GET4: variants seen among roughly 807,000 people sequenced by gnomAD.
GET4 encodes the protein guided entry of tail-anchored proteins factor 4.
GET4 carries 20 observed loss-of-function variants against 40.0 expected under a neutral mutation model. The ratio of observed to expected loss-of-function variants is 0.50; its 90% CI spans 0.35 to 0.73. The LOEUF (loss-of-function observed/expected upper bound fraction) is 0.73. GET4 is among the 30% of genes least tolerant of loss of function. GET4 has a pLI of 0.01. For missense variants in GET4, 557 were observed against 454.0 expected (o/e 1.23, Z -2.06); for synonymous variants, 280 against 194.6 (o/e 1.44, Z -3.65).
intron 1 of GET4, 118 bp from the exon 2 acceptor site, chr7:885,938 C>A: frequency 1.4e-6 from 1 of 719,022 alleles, no homozygotes; most frequent in Non-Finnish European, 2.5e-6. Context: ...GGAGCGGCTG[C>A]TTTTAGGATG....
intron 1 of GET4, chr7:880,628 T>TG (rs1844065553): frequency 6.6e-6 from 1 of 152,230 alleles, no homozygotes; most frequent in South Asian, 2.1e-4. Flanking sequence ...GCCTGGGCTT[T>TG]GGGGTCACAC....
chr7:887,653 A>G (rs1844218612), intron 4 of GET4, 134 bp downstream of exon 4: 4 of 605,366 alleles, frequency 6.6e-6, no homozygotes, highest in African/African-American at 1.9e-5. Flanking sequence ...GGGCCGGTCC[A>G]TGGAGACCCA....
In GET4 at chr7:893,771, G is replaced by A. The variant is rs1296947085; in HGVS notation, c.778G>A (p.Glu260Lys). 2 of 1,611,116 alleles carry A rather than the reference G, an allele frequency of 1.2e-6. No individual in the cohort carries two copies. The highest frequency in any genetic ancestry group is 2.2e-5 in the South Asian group (2 of 90,782). The change falls in exon 7 of 9, where the codon GAG (glutamate) becomes AAG (lysine). Residue 260 changes from glutamate (E) to lysine (K), a missense_variant. Physicochemically the swap from Glu to Lys is moderately conservative, Grantham distance 56. Transcript: ENST00000265857. ...GKLTVFTVLC[E>K]QYQPSLRRDP... is the part of the protein sequence containing the mutation. ...GCTGACGGTGTTCACTGTGCTGTGTGAGCAGTACCAGCCATCCCTCCGGCG... is the reference window on the plus strand; with the variant it reads ...GCTGACGGTGTTCACTGTGCTGTGTAAGCAGTACCAGCCATCCCTCCGGCG...
In GET4 at chr7:895,501, CGCCTTGGGGGCTCCTG is replaced by C; in HGVS notation, c.*83_*98del. 2.8e-6 allele frequency: 2 copies of C among 707,806 alleles called. No individual in the cohort carries two copies. Among genetic ancestry groups the C allele is most frequent in the Non-Finnish European group, 4.9e-6 (2 of 408,942 alleles). The allele number at this position is 707,806 out of a possible 1,614,324, so 43.8% of individuals were successfully genotyped here. A position where few individuals can be genotyped will look rare whatever the true frequency, so the allele number is the denominator to read the frequency against. On this transcript the variant is annotated 3_prime_UTR_variant, in exon 9 of 9. Coordinates refer to ENST00000265857, the MANE Select transcript of GET4 (RefSeq NM_015949.3). ...CAGAGGCGAGTCCTGGGTGGCTCCT[CGCCTTGGGGGCTCCTG>C]GCCCTGAGGCTGGCGGTGGCCGCAT...
At chr7:879,537 GC>G (rs1418264238) in intron 1 of GET4, among the ~76,000 whole-genome samples, 1 of 152,170 alleles carries the variant, frequency 6.6e-6, no homozygotes, top group Admixed American at 6.5e-5. Flanking sequence ...GTGCATGTGG[GC>G]CCCTGATCGT....
At chr7:877,139 C>T (rs1189799932) in intron 1 of GET4, among the ~76,000 whole-genome samples, 1 of 151,754 alleles carries the variant, frequency 6.6e-6, no homozygotes, top group Non-Finnish European at 1.5e-5. Context: ...CCTCGGCCGC[C>T]TCCCGCCTCG....
At position 876,711 on chromosome 7, in the gene GET4, C is replaced by T. The variant is rs376978899; in HGVS notation, c.66C>T (p.Gly22=). Reference sequence around the variant, plus strand: ...GGAACGGCGGCCGCAACCGCGGCGGCGTCCAGCGTGTGGAGGGCAAGCTGC... The same window carrying T: ...GGAACGGCGGCCGCAACCGCGGCGGTGTCCAGCGTGTGGAGGGCAAGCTGC... ...SARNGGRNRG[G]VQRVEGKLRA... Residue 22 remains glycine (G), a synonymous_variant, in exon 1 of 9, where the codon GGC becomes GGT. Transcript: ENST00000265857. 2.1e-4 allele frequency: 288 copies of T among 1,366,350 alleles called. 1 individual carries two copies. The African/African-American group carries it at 4.2e-3, about 20-fold the overall frequency. 84.6% of individuals were successfully genotyped at this position (1,366,350 alleles called of 1,614,324 possible).
intron 1 of GET4, chr7:878,249 C>T (rs1844008848): frequency 4.2e-6 from 2 of 470,772 alleles, no homozygotes; most frequent in Non-Finnish European, 8.8e-6. Context: ...TGCTGCGTGG[C>T]TTGGTTGATT....
chr7:892,464 G>T, intron 6 of GET4, 46 bp downstream of exon 6: 1 of 1,573,178 alleles, frequency 6.4e-7, no homozygotes, highest in Non-Finnish European at 8.7e-7. Context: ...GAATGTGCGG[G>T]TTGTGTGTAG....
At chr7:885,734 C>A in intron 1 of GET4, 1 of 305,906 alleles carries the variant, frequency 3.3e-6, no homozygotes, top group Non-Finnish European at 6.2e-6. Flanking sequence ...TCCTTCCCTG[C>A]GCACCTGCCC....
intron 1 of GET4, chr7:885,443 C>G (rs1227896814): frequency 2.6e-5 from 4 of 153,112 alleles, no homozygotes; most frequent in African/African-American, 7.2e-5. Flanking sequence ...TGTCCCCGTG[C>G]GGCCTGAGGA....
intron 3 of GET4, chr7:886,966 C>T (rs924875185): frequency 1.9e-5 from 10 of 515,456 alleles, no homozygotes; most frequent in African/African-American, 9.6e-5. Flanking sequence ...TTTGGCTTGT[C>T]GGCCTGTCCT....
intron 4 of GET4, among the ~76,000 whole-genome samples, chr7:889,643 G>A (rs1218387793): frequency 3.4e-5 from 5 of 148,438 alleles, no homozygotes; most frequent in Non-Finnish European, 6.1e-5. Flanking sequence ...GGGCCTGGGA[G>A]TGGAGGGAGT....
intron 6 of GET4, 25 bp downstream of exon 6, chr7:892,443 G>A (rs1189948066): frequency 6.3e-7 from 1 of 1,581,792 alleles, no homozygotes; most frequent in Non-Finnish European, 8.7e-7. Flanking sequence ...CCTGCAGGGG[G>A]AGGGGGCTGT....
Position 886,557 on chromosome 7 carries a change from T to C in GET4, c.235-12T>C, listed in dbSNP as rs746241111. On this transcript the variant is annotated splice_polypyrimidine_tract_variant and intron_variant, in intron 2 of 8. Coordinates refer to ENST00000265857, the MANE Select transcript of GET4 (RefSeq NM_015949.3). Reference sequence around the variant, plus strand: ...TTTGTTCTTGATTCTTGTGTGTTGCTTTCTCTTGTAGCAAAACAGTGCAGC... The same window carrying C: ...TTTGTTCTTGATTCTTGTGTGTTGCCTTCTCTTGTAGCAAAACAGTGCAGC... The C allele has an allele frequency of 6.2e-7, 1 of 1,603,834 alleles. No homozygotes were observed. Among genetic ancestry groups the C allele is most frequent in the Non-Finnish European group, 8.5e-7 (1 of 1,171,242 alleles).
Position 886,670 on chromosome 7 carries a change from C to T in GET4, c.316+20C>T, listed in dbSNP as rs1311036735. ...TGCTGGGTGAGCATCCGGCCCTTCA[C>T]CCCGGGACCCTGTGACAGCGGCCCC... On this transcript the variant is annotated intron_variant, in intron 3 of 8. Coordinates refer to ENST00000265857, the MANE Select transcript of GET4 (RefSeq NM_015949.3). The T allele has an allele frequency of 1.9e-6, 3 of 1,566,880 alleles. No individual in the cohort carries two copies. In the African/African-American group the frequency reaches 4.1e-5, roughly 21 times the overall value.
chr7:881,212 T>C (rs1330013848), intron 1 of GET4: 1 of 152,260 alleles, frequency 6.6e-6, no homozygotes, highest in African/African-American at 2.4e-5. Flanking sequence ...ATTGCACATT[T>C]ACATTTAAAT....
intron 1 of GET4, chr7:883,455 TTC>T: frequency 1.0e-6 from 1 of 960,328 alleles, no homozygotes; most frequent in Non-Finnish European, 1.2e-6. Context: ...ATGCTTGCGT[TTC>T]TGTGTTCTGC....
rs1844463220 is a variant in GET4 at position 895,555 on chromosome 7, C to T, written c.*133C>T. 3 of 535,502 alleles carry T rather than the reference C, an allele frequency of 5.6e-6. No individual in the cohort carries two copies. Among genetic ancestry groups the T allele is most frequent in the Admixed American group, 3.5e-5 (1 of 28,642 alleles). 33.2% of individuals were successfully genotyped at this position (535,502 alleles called of 1,614,324 possible). A position where few individuals can be genotyped will look rare whatever the true frequency, so the allele number is the denominator to read the frequency against. On this transcript the variant is annotated 3_prime_UTR_variant, in exon 9 of 9. Coordinates refer to ENST00000265857, the MANE Select transcript of GET4 (RefSeq NM_015949.3). ...GCGGTGGCCGCATGCCGGCGCGTGT[C>T]TGTTTCTGTGCGGCGGCTCAGGGTG...
Sources: gnomAD v4.1 joint callset for allele counts (sites outside exome capture counted in the v4.1 genomes callset) on GRCh38, gnomAD v4.1.1 for gene constraint, MANE v1.5 for transcripts, NCBI Gene and HGNC (gene_info 2026-07-23, HGNC 2026-07-21) for gene names.